MGMT: variants seen among roughly 807,000 people sequenced by gnomAD.
The protein encoded by MGMT is methylated-DNA--protein-cysteine methyltransferase.
In MGMT, 14 loss-of-function variants were observed where a neutral mutation model predicts 15.9. That is an observed-to-expected ratio of 0.88 (90% CI 0.58 to 1.37). The LOEUF (loss-of-function observed/expected upper bound fraction) is 1.37, where lower values mean the gene tolerates loss of function less well. Ranked by LOEUF, MGMT falls within the 40% of genes most tolerant of loss-of-function variation. The pLI, the probability that MGMT is intolerant of heterozygous loss-of-function variation, is 0.00. For missense variants in MGMT, 282 were observed against 268.1 expected (o/e 1.05, Z -0.36); for synonymous variants, 130 against 118.2 (o/e 1.10, Z -0.65).
chr10:129,679,438 A>G (rs1273647710), intron 2 of MGMT, among the ~76,000 whole-genome samples: 1 of 152,112 alleles, frequency 6.6e-6, no homozygotes, highest in Non-Finnish European at 1.5e-5. Context: ...CGTTTTTTTC[A>G]CAAACACATG....
intron 2 of MGMT, among the ~76,000 whole-genome samples, chr10:129,627,340 A>C (rs562558546): frequency 6.6e-6 from 1 of 152,230 alleles, no homozygotes; most frequent in African/African-American, 2.4e-5. Context: ...TTCTGGAACC[A>C]GTCTAACAAA....
At chr10:129,564,252 T>C (rs1846317626) in intron 2 of MGMT, 1 of 61,648 alleles carries the variant, frequency 1.6e-5, no homozygotes. Flanking sequence ...CCCTTCCCCC[T>C]CCTCTTCCCC....
intron 3 of MGMT, among the ~76,000 whole-genome samples, chr10:129,758,697 G>C (rs1025399545): frequency 3.3e-5 from 5 of 152,320 alleles, no homozygotes; most frequent in African/African-American, 1.2e-4. Flanking sequence ...TTGGCACTCC[G>C]AGCAGTAGCT....
chr10:129,526,478 G>A (rs1174672171), intron 1 of MGMT, among the ~76,000 whole-genome samples: 4 of 152,072 alleles, frequency 2.6e-5, no homozygotes, highest in African/African-American at 4.8e-5. Context: ...GGGCTACCTT[G>A]TTTGTAAACA....
intron 2 of MGMT, among the ~76,000 whole-genome samples, chr10:129,613,496 C>T (rs1337531030): frequency 6.6e-6 from 1 of 152,118 alleles, no homozygotes; most frequent in Non-Finnish European, 1.5e-5. Flanking sequence ...CCTGTAGGAC[C>T]CTAGTCTGTC....
chr10:129,704,797 C>T lies in MGMT; in HGVS notation c.126-3098C>T, dbSNP rs969634298. 1.7e-4 allele frequency among the ~76,000 whole-genome samples: 26 copies of T among 151,950 alleles called. No homozygotes were observed. The East Asian group carries it at 4.9e-3, about 28-fold the overall frequency. On this transcript the variant is annotated intron_variant, in intron 2 of 4. Coordinates refer to ENST00000651593, the MANE Select transcript of MGMT (RefSeq NM_002412.5). ...AAAAAGGTCCATTTTTAGAAAGACC[C>T]GAGGATCTCGGCAGAGACTTTTACA...
At chr10:129,764,589 T>C (rs140445613) in intron 4 of MGMT, among the ~76,000 whole-genome samples, 4 of 152,376 alleles carry the variant, frequency 2.6e-5, no homozygotes, top group African/African-American at 9.6e-5. Flanking sequence ...CTGGTTGCTT[T>C]GTCCAGTTCA....
At chr10:129,663,343 G>T (rs1046182610) in intron 2 of MGMT, among the ~76,000 whole-genome samples, 3 of 152,098 alleles carry the variant, frequency 2.0e-5, no homozygotes, top group Non-Finnish European at 4.4e-5. Flanking sequence ...CATAGTTAAT[G>T]CAGTGATTAG....
At chr10:129,735,174 G>A (rs1209658293) in intron 3 of MGMT, among the ~76,000 whole-genome samples, 1 of 152,196 alleles carries the variant, frequency 6.6e-6, no homozygotes, top group East Asian at 1.9e-4. Flanking sequence ...GAATTCGGCT[G>A]TGAATCCATC....
At chr10:129,613,958 T>C (rs1356862229) in intron 2 of MGMT, among the ~76,000 whole-genome samples, 1 of 152,168 alleles carries the variant, frequency 6.6e-6, no homozygotes, top group African/African-American at 2.4e-5. Flanking sequence ...AAAATATACA[T>C]AAAATTTCCC....
At chr10:129,622,005 C>G in intron 2 of MGMT, among the ~76,000 whole-genome samples, 1 of 152,176 alleles carries the variant, frequency 6.6e-6, no homozygotes, top group South Asian at 2.1e-4. Flanking sequence ...TTGATTGTAT[C>G]ACAGAACGGT....
chr10:129,482,843 A>G (rs1845372575), intron 1 of MGMT, among the ~76,000 whole-genome samples: 1 of 152,136 alleles, frequency 6.6e-6, no homozygotes, highest in African/African-American at 2.4e-5. Context: ...AAAAAATCTA[A>G]TCTGACAATG....
At chr10:129,557,800 G>A (rs1351211501) in intron 2 of MGMT, among the ~76,000 whole-genome samples, 2 of 152,284 alleles carry the variant, frequency 1.3e-5, no homozygotes, top group Non-Finnish European at 1.5e-5. Context: ...TTTGATGAGT[G>A]TGGATGCCTA....
intron 2 of MGMT, among the ~76,000 whole-genome samples, chr10:129,685,700 CTCAT>C (rs1339596297): frequency 6.6e-6 from 1 of 152,172 alleles, no homozygotes; most frequent in African/African-American, 2.4e-5. Flanking sequence ...CCGCTTTGAG[CTCAT>C]TCAAAGAAAG....
At chr10:129,520,488 G>T (rs12573709) in intron 1 of MGMT, among the ~76,000 whole-genome samples, 32,982 of 151,276 alleles carry the variant, frequency 0.22, 4,175 homozygotes, top group Non-Finnish European at 0.28. Flanking sequence ...CCCCTATGGT[G>T]CAGGTGCAGA....
chr10:129,665,582 C>G (rs569776171), intron 2 of MGMT, among the ~76,000 whole-genome samples: 6 of 152,112 alleles, frequency 3.9e-5, no homozygotes, highest in Admixed American at 3.9e-4. Context: ...ACCACTGGGA[C>G]AGCAAATCAG....
intron 2 of MGMT, among the ~76,000 whole-genome samples, chr10:129,695,848 T>C (rs1704231455): frequency 6.6e-6 from 1 of 152,114 alleles, no homozygotes; most frequent in South Asian, 2.1e-4. Flanking sequence ...GCAGGCCTTA[T>C]CAGGTGCTCT....
intron 3 of MGMT, among the ~76,000 whole-genome samples, chr10:129,750,928 T>G (rs1848744699): frequency 6.6e-6 from 1 of 152,142 alleles, no homozygotes; most frequent in Non-Finnish European, 1.5e-5. Flanking sequence ...GATGTCTTGT[T>G]CTTTTTATAT....
intron 2 of MGMT, among the ~76,000 whole-genome samples, chr10:129,634,934 G>A (rs1847248823): frequency 6.6e-6 from 1 of 152,150 alleles, no homozygotes; most frequent in African/African-American, 2.4e-5. Flanking sequence ...TCTGCATTCT[G>A]ATAGATTTCC....
Sources: gnomAD v4.1 joint callset for allele counts (sites outside exome capture counted in the v4.1 genomes callset) on GRCh38, gnomAD v4.1.1 for gene constraint, MANE v1.5 for transcripts, NCBI Gene and HGNC (gene_info 2026-07-23, HGNC 2026-07-21) for gene names.